The following TOX variants were observed in gnomAD, a reference collection of about 807,000 sequenced individuals.
TOX encodes thymocyte selection associated high mobility group box.
TOX carries 11 observed loss-of-function variants against 53.7 expected under a neutral mutation model. The ratio of observed to expected loss-of-function variants is 0.20; its 90% confidence interval spans 0.13 to 0.34. The LOEUF is 0.34. Ranked by LOEUF, TOX falls within the 10% of genes least tolerant of loss-of-function variation. TOX has a pLI of 1.00. For synonymous variants in TOX, 225 were observed against 245.3 expected, an observed-to-expected ratio of 0.92 and a Z score of 0.77; for missense variants, 570 against 664.6, an observed-to-expected ratio of 0.86 and a Z score of 1.56.
intron 1 of TOX, among the ~76,000 whole-genome samples, chr8:59,106,239 A>G (rs1242904732): frequency 1.3e-5 from 2 of 151,562 alleles, no homozygotes; most frequent in Non-Finnish European, 1.5e-5. Context: ...CAAGTTATAG[A>G]AAGGCAATTG....
intron 1 of TOX, among the ~76,000 whole-genome samples, chr8:59,066,266 T>C (rs1405742541): frequency 6.6e-6 from 1 of 152,150 alleles, no homozygotes; most frequent in African/African-American, 2.4e-5. Flanking sequence ...AATGAACAAA[T>C]AAGTCACAGT....
intron 1 of TOX, among the ~76,000 whole-genome samples, chr8:59,096,532 T>C (rs1804714571): frequency 6.6e-6 from 1 of 152,206 alleles, no homozygotes; most frequent in Admixed American, 6.5e-5. Flanking sequence ...TGGTGACACA[T>C]ACAAAAATTA....
At chr8:58,863,337 T>C (rs1811041624) in intron 3 of TOX, among the ~76,000 whole-genome samples, 1 of 152,182 alleles carries the variant, frequency 6.6e-6, no homozygotes, top group Non-Finnish European at 1.5e-5. Context: ...TTAAGTTCTC[T>C]TATTAAAAAT....
intron 1 of TOX, among the ~76,000 whole-genome samples, chr8:59,050,296 C>T (rs1244760334): frequency 6.6e-6 from 1 of 152,124 alleles, no homozygotes; most frequent in African/African-American, 2.4e-5. Context: ...GGAGCTGAAA[C>T]TCCAAGCAAA....
intron 1 of TOX, among the ~76,000 whole-genome samples, chr8:59,051,371 C>G (rs1426114659): frequency 1.3e-5 from 2 of 152,082 alleles, no homozygotes; most frequent in African/African-American, 4.8e-5. Context: ...TCAGATATCT[C>G]AAATAGTCAT....
At chr8:59,061,838 G>A (rs960485746) in intron 1 of TOX, among the ~76,000 whole-genome samples, 5 of 152,082 alleles carry the variant, frequency 3.3e-5, no homozygotes, top group Non-Finnish European at 7.4e-5. Flanking sequence ...CCCATGCCCA[G>A]CCCCTGCCAG....
intron 1 of TOX, among the ~76,000 whole-genome samples, chr8:59,110,528 T>C (rs760442569): frequency 6.6e-6 from 1 of 152,176 alleles, no homozygotes; most frequent in Admixed American, 6.5e-5. Flanking sequence ...TCTTGCACAT[T>C]ATATTTCACA....
At chr8:58,946,428 G>A (rs1490998601) in intron 2 of TOX, among the ~76,000 whole-genome samples, 1 of 152,102 alleles carries the variant, frequency 6.6e-6, no homozygotes, top group Non-Finnish European at 1.5e-5. Context: ...TTTTGTCTCT[G>A]CATGAACAAG....
At chr8:59,053,582 C>A (rs891313951) in intron 1 of TOX, among the ~76,000 whole-genome samples, 2 of 152,118 alleles carry the variant, frequency 1.3e-5, no homozygotes, top group African/African-American at 4.8e-5. Flanking sequence ...CATTTTTATA[C>A]CATTTTTCTT....
At chr8:58,814,021 T>C (rs1810130241) in intron 7 of TOX, among the ~76,000 whole-genome samples, 1 of 152,174 alleles carries the variant, frequency 6.6e-6, no homozygotes, top group South Asian at 2.1e-4. Flanking sequence ...CAAGCCTCAG[T>C]GTCTTCCTCT....
intron 1 of TOX, among the ~76,000 whole-genome samples, chr8:59,014,905 G>T (rs1298429371): frequency 6.6e-6 from 1 of 152,138 alleles, no homozygotes; most frequent in Non-Finnish European, 1.5e-5. Flanking sequence ...AAAACCATAT[G>T]CAACTCAAAG....
Position 58,851,113 on chromosome 8 carries a change from A to G in TOX, c.693+411T>C, listed in dbSNP as rs1237327088. Among the ~76,000 whole-genome samples the G allele has an allele frequency of 4.0e-5, 6 of 150,942 alleles. No homozygotes were observed. The highest frequency in any genetic ancestry group is 8.8e-5 in the Non-Finnish European group (6 of 67,802). ...GAAATGGTTGGGTCAGGTGGCCACA[A>G]AGGTTTCATGTAACATCATCACCAT... On this transcript the variant is annotated intron_variant, in intron 4 of 8. Coordinates refer to ENST00000361421, the MANE Select transcript of TOX (RefSeq NM_014729.3). The surrounding 1 kb of genome is among the most constrained non-coding windows in gnomAD (Gnocchi z 4.4).
At chr8:58,955,537 T>C (rs1463095194) in intron 2 of TOX, among the ~76,000 whole-genome samples, 2 of 152,138 alleles carry the variant, frequency 1.3e-5, no homozygotes, top group Non-Finnish European at 2.9e-5. Flanking sequence ...AGCTTTTCCA[T>C]AACCTGATGC....
intron 5 of TOX, among the ~76,000 whole-genome samples, chr8:58,830,138 T>A (rs968066028): frequency 1.3e-5 from 2 of 152,210 alleles, no homozygotes; most frequent in African/African-American, 4.8e-5. Flanking sequence ...GGCTTCCAAA[T>A]GGTCCACAGC....
At chr8:58,842,449 TG>T (rs2129167384) in intron 4 of TOX, among the ~76,000 whole-genome samples, 2 of 152,308 alleles carry the variant, frequency 1.3e-5, no homozygotes, top group African/African-American at 4.8e-5. Flanking sequence ...CCTCTAGAAT[TG>T]TAAGAAATAT....
chr8:58,814,842 A>G (rs1810146663), intron 7 of TOX, among the ~76,000 whole-genome samples: 1 of 152,160 alleles, frequency 6.6e-6, no homozygotes, highest in Non-Finnish European at 1.5e-5. Flanking sequence ...AGTTCTTAGG[A>G]CTTTCAGGGT....
In TOX at chr8:58,850,391, G is replaced by A. The variant is rs538887307; in HGVS notation, c.693+1133C>T. On this transcript the variant is annotated intron_variant, in intron 4 of 8. Transcript: ENST00000361421. Reference sequence around the variant, plus strand: ...CAGAGCCTTTACTGGGGATTTTGTGGGCAGGAATAGGCAAGGCAGGCTGGC... The same window carrying A: ...CAGAGCCTTTACTGGGGATTTTGTGAGCAGGAATAGGCAAGGCAGGCTGGC... 5.9e-5 allele frequency among the ~76,000 whole-genome samples: 9 copies of A among 152,278 alleles called. No individual in the cohort carries two copies. The East Asian group carries it at 1.5e-3, about 26-fold the overall frequency.
chr8:58,844,288 T>C (rs1320174519), intron 4 of TOX, among the ~76,000 whole-genome samples: 1 of 152,184 alleles, frequency 6.6e-6, no homozygotes, highest in East Asian at 1.9e-4. Flanking sequence ...AATTTCTAAA[T>C]TTAATTTTAA....
At chr8:59,025,657 T>TCAATCGG in intron 1 of TOX, among the ~76,000 whole-genome samples, 1 of 152,240 alleles carries the variant, frequency 6.6e-6, no homozygotes, top group South Asian at 2.1e-4. Flanking sequence ...CCCTAGTCTC[T>TCAATCGG]CAATCGGCCT....
Sources: allele counts gnomAD v4.1 joint callset (sites outside exome capture counted in the v4.1 genomes callset), GRCh38; gene constraint gnomAD v4.1.1; non-coding constraint Gnocchi (gnomAD v3.1); transcripts MANE v1.5; gene names NCBI Gene and HGNC (gene_info 2026-07-23, HGNC 2026-07-21).